The following WDR17 variants were observed in gnomAD, a reference collection of about 807,000 sequenced individuals.
WDR17 encodes the protein WD repeat-containing protein 17.
In WDR17, 143 loss-of-function variants were observed where a neutral mutation model predicts 161.7. The ratio of observed to expected loss-of-function variants is 0.88; its 90% confidence interval spans 0.77 to 1.02. The LOEUF (loss-of-function observed/expected upper bound fraction) is 1.02, where lower values mean the gene tolerates loss of function less well. Among genes scored for constraint, WDR17 ranks in the 50% least tolerant of loss-of-function variants. The pLI is 0.00. For synonymous variants in WDR17, 517 were observed against 515.6 expected (o/e 1.00, Z -0.04); for missense variants, 1,469 against 1,520.9 (o/e 0.97, Z 0.57).
intron 1 of WDR17, among the ~76,000 whole-genome samples, chr4:176,109,580 T>C (rs1480534106): frequency 6.6e-6 from 1 of 152,040 alleles, no homozygotes; most frequent in Non-Finnish European, 1.5e-5. Context: ...GAAGAGGAGA[T>C]GAGAAGAAAG....
intron 1 of WDR17, among the ~76,000 whole-genome samples, chr4:176,080,095 C>T (rs1000840481): frequency 6.6e-6 from 1 of 151,808 alleles, no homozygotes; most frequent in African/African-American, 2.4e-5. Flanking sequence ...TGCAGTCAAA[C>T]CATAGCAGCA....
At chr4:176,086,721 A>G (rs1735469884) in intron 1 of WDR17, among the ~76,000 whole-genome samples, 1 of 151,760 alleles carries the variant, frequency 6.6e-6, no homozygotes, top group Non-Finnish European at 1.5e-5. Flanking sequence ...GAATTTTTTA[A>G]TGTAGATGCT....
At position 176,177,557 on chromosome 4, in the gene WDR17, C is replaced by T; in HGVS notation, c.3635C>T (p.Ser1212Leu). ...ATLLKRLKEE[S>L]LKGIIGPDYV... ...TTATTAAAGAGACTAAAAGAAGAGT[C>T]ACTGAAAGGAATTATTGGACCAGAT... is the stretch of plus-strand genomic sequence containing the variant. Residue 1212 changes from serine (S) to leucine (L), a missense_variant, in exon 28 of 29, where the codon TCA becomes TTA. Ser to Leu is a moderately radical substitution (Grantham distance 145). Transcript: ENST00000508596. 3.1e-6 allele frequency: 5 copies of T among 1,598,608 alleles called. No homozygotes were observed. Among genetic ancestry groups the T allele is most frequent in the Non-Finnish European group, 4.3e-6 (5 of 1,176,246 alleles).
At chr4:176,138,661 T>C (rs1472654326) in intron 9 of WDR17, among the ~76,000 whole-genome samples, 1 of 151,766 alleles carries the variant, frequency 6.6e-6, no homozygotes, top group Non-Finnish European at 1.5e-5. Context: ...GATTCAAAAA[T>C]TGTATATCTT....
chr4:176,120,588 C>T (rs1324119399), intron 4 of WDR17, among the ~76,000 whole-genome samples: 1 of 149,558 alleles, frequency 6.7e-6, no homozygotes, highest in Non-Finnish European at 1.5e-5. Context: ...CTTTGAACCC[C>T]TGTTAGTTAA....
chr4:176,103,569 G>A (rs1305271094), intron 1 of WDR17, among the ~76,000 whole-genome samples: 1 of 151,884 alleles, frequency 6.6e-6, no homozygotes, highest in Non-Finnish European at 1.5e-5. Context: ...AACAATGTAT[G>A]AACAAAATAG....
chr4:176,078,506 G>T (rs1734339150), intron 1 of WDR17, among the ~76,000 whole-genome samples: 1 of 152,038 alleles, frequency 6.6e-6, no homozygotes, highest in Non-Finnish European at 1.5e-5. Flanking sequence ...ATTCTGTCAG[G>T]ATCTGCTAGA....
At chr4:176,109,162 T>C (rs532601332) in intron 1 of WDR17, among the ~76,000 whole-genome samples, 1 of 152,308 alleles carries the variant, frequency 6.6e-6, no homozygotes, top group Admixed American at 6.5e-5. Context: ...ATAAACTCAA[T>C]ATTTGGTTAA....
At position 176,150,259 on chromosome 4, in the gene WDR17, T is replaced by A. The variant is rs184057538; in HGVS notation, c.2178+86T>A. 98 of 1,549,848 alleles carry A rather than the reference T, an allele frequency of 6.3e-5. 1 individual carries two copies. In the East Asian group the frequency reaches 2.1e-3, roughly 34 times the overall value. ...CTATTTTTATTCACATATTTACATG[T>A]ACCATTCTAATTCATTGGGTAACTC... On this transcript the variant is annotated intron_variant, in intron 15 of 28. Transcript: ENST00000508596.
intron 1 of WDR17, among the ~76,000 whole-genome samples, chr4:176,106,223 A>G (rs1480780101): frequency 6.6e-6 from 1 of 152,042 alleles, no homozygotes; most frequent in Non-Finnish European, 1.5e-5. Flanking sequence ...GTGTCATACC[A>G]GCATAAAGGC....
At chr4:176,130,492 C>T (rs1021623607) in intron 6 of WDR17, among the ~76,000 whole-genome samples, 1 of 152,076 alleles carries the variant, frequency 6.6e-6, no homozygotes, top group African/African-American at 2.4e-5. Context: ...TGCCTGTAAT[C>T]CCAGCACTTC....
At chr4:176,071,905 G>A (rs1052413140) in intron 1 of WDR17, among the ~76,000 whole-genome samples, 1 of 152,128 alleles carries the variant, frequency 6.6e-6, no homozygotes, top group African/African-American at 2.4e-5. Flanking sequence ...TTGAATCGGT[G>A]TCTTGCTCTT....
chr4:176,163,026 G>T, intron 21 of WDR17, 128 bp from the exon 22 acceptor site: 1 of 1,179,970 alleles, frequency 8.5e-7, no homozygotes, highest in East Asian at 2.6e-5. Context: ...GAATATTACA[G>T]TCAATATTTT....
At chr4:176,085,977 C>T (rs1301394084) in intron 1 of WDR17, among the ~76,000 whole-genome samples, 1 of 151,936 alleles carries the variant, frequency 6.6e-6, no homozygotes, top group Non-Finnish European at 1.5e-5. Context: ...CTAGCTGCAA[C>T]CCACAAATTT....
chr4:176,107,781 T>A (rs2126680975), intron 1 of WDR17, among the ~76,000 whole-genome samples: 1 of 152,240 alleles, frequency 6.6e-6, no homozygotes, highest in African/African-American at 2.4e-5. Context: ...TTTACAAATA[T>A]TTTTTCCCAT....
intron 18 of WDR17, among the ~76,000 whole-genome samples, chr4:176,157,833 T>C (rs1303010390): frequency 1.3e-5 from 2 of 152,162 alleles, no homozygotes; most frequent in Non-Finnish European, 2.9e-5. Context: ...CTCAGATAAA[T>C]TGGAACAAAG....
At chr4:176,165,876 A>G (rs992912831) in intron 22 of WDR17, among the ~76,000 whole-genome samples, 3 of 152,240 alleles carry the variant, frequency 2.0e-5, no homozygotes, top group African/African-American at 7.2e-5. Flanking sequence ...ATCCATAGAT[A>G]TGTGTAACAG....
chr4:176,164,524 G>T (rs1749483798), intron 22 of WDR17, among the ~76,000 whole-genome samples: 1 of 151,988 alleles, frequency 6.6e-6, no homozygotes. Flanking sequence ...TTTAGACTTG[G>T]GTCCCATCCC....
intron 11 of WDR17, among the ~76,000 whole-genome samples, chr4:176,145,129 C>T (rs1561173361): frequency 6.6e-6 from 1 of 152,082 alleles, no homozygotes; most frequent in Non-Finnish European, 1.5e-5. Context: ...AGTTGTGATC[C>T]ACAGTGTGTA....
Sources: gnomAD v4.1 joint callset for allele counts (sites outside exome capture counted in the v4.1 genomes callset) on GRCh38, gnomAD v4.1.1 for gene constraint, MANE v1.5 for transcripts, NCBI Gene and HGNC (gene_info 2026-07-23, HGNC 2026-07-21) for gene names.